Variants in VWC2 observed in about 807,000 individuals in gnomAD.
VWC2 encodes the protein brorin.
Under a neutral mutation model 29.8 loss-of-function variants are expected in VWC2, and 14 were observed. The ratio of observed to expected loss-of-function variants is 0.47; its 90% CI spans 0.31 to 0.74. The LOEUF (loss-of-function observed/expected upper bound fraction) is 0.74, where lower values mean the gene tolerates loss of function less well. Among genes scored for constraint, VWC2 ranks in the 30% least tolerant of loss-of-function variants. The pLI is 0.05. For missense variants in VWC2, 457 were observed against 459.8 expected (o/e 0.99, Z 0.05); for synonymous variants, 213 against 199.0 (o/e 1.07, Z -0.59).
chr7:49,899,666 A>G (rs1792601296), intron 3 of VWC2, among the ~76,000 whole-genome samples: 1 of 151,994 alleles, frequency 6.6e-6, no homozygotes, highest in African/African-American at 2.4e-5. Flanking sequence ...GTATCAAAAC[A>G]CATGAGGCAA....
At position 49,802,851 on chromosome 7, in the gene VWC2, T is replaced by A; in HGVS notation, c.826+11T>A. ...CCATCTGCAAAAATGGTATGTGAGA[T>A]CCCCGTTGGTGACGGGGTGCACCTC... On this transcript the variant is annotated intron_variant, in intron 3 of 3. Transcript: ENST00000340652. 1 of 1,614,022 alleles carries A rather than the reference T, an allele frequency of 6.2e-7. No individual in the cohort carries two copies. Among genetic ancestry groups the A allele is most frequent in the Non-Finnish European group, 8.5e-7 (1 of 1,179,934 alleles).
At chr7:49,868,512 C>G (rs1469686978) in intron 3 of VWC2, among the ~76,000 whole-genome samples, 1 of 152,118 alleles carries the variant, frequency 6.6e-6, no homozygotes, top group Non-Finnish European at 1.5e-5. Context: ...GAAAAAGTAC[C>G]TCAAAATGTT....
chr7:49,828,903 G>A (rs764605892), intron 3 of VWC2, among the ~76,000 whole-genome samples: 3 of 152,118 alleles, frequency 2.0e-5, no homozygotes, highest in Non-Finnish European at 4.4e-5. Flanking sequence ...GGGATAGCCC[G>A]GGTGCCCCAC....
intron 3 of VWC2, among the ~76,000 whole-genome samples, chr7:49,874,414 C>T (rs1332434270): frequency 6.6e-6 from 1 of 152,216 alleles, no homozygotes; most frequent in Non-Finnish European, 1.5e-5. Context: ...CTATATCGTA[C>T]AGCCTAGGTG....
intron 3 of VWC2, among the ~76,000 whole-genome samples, chr7:49,903,493 C>T (rs1792890084): frequency 6.6e-6 from 1 of 152,148 alleles, no homozygotes; most frequent in African/African-American, 2.4e-5. Context: ...CCAAAGCCCA[C>T]TTTTGATACT....
At chr7:49,827,755 C>T (rs1358295850) in intron 3 of VWC2, among the ~76,000 whole-genome samples, 1 of 152,018 alleles carries the variant, frequency 6.6e-6, no homozygotes, top group Admixed American at 6.5e-5. Context: ...TTTTAGGGGA[C>T]TTCTCTAAAT....
At chr7:49,779,150 T>C (rs1358933410) in intron 2 of VWC2, among the ~76,000 whole-genome samples, 25 of 152,166 alleles carry the variant, frequency 1.6e-4, no homozygotes, top group Admixed American at 1.6e-3. Flanking sequence ...CTGGCTGTGC[T>C]TGTGATGTGC....
intron 3 of VWC2, among the ~76,000 whole-genome samples, chr7:49,906,517 T>C (rs560655964): frequency 2.0e-5 from 3 of 152,192 alleles, no homozygotes; most frequent in Admixed American, 1.3e-4. Flanking sequence ...TTTGTATTTT[T>C]ACTATAGATG....
At chr7:49,815,364 T>C (rs1009673501) in intron 3 of VWC2, among the ~76,000 whole-genome samples, 1 of 152,188 alleles carries the variant, frequency 6.6e-6, no homozygotes, top group African/African-American at 2.4e-5. Flanking sequence ...GGAGAAACTC[T>C]CAGGAGTGAG....
At chr7:49,867,636 C>T (rs1040964485) in intron 3 of VWC2, among the ~76,000 whole-genome samples, 1 of 152,158 alleles carries the variant, frequency 6.6e-6, no homozygotes, top group Non-Finnish European at 1.5e-5. Context: ...ATTCACCCTC[C>T]TGAACTCTAG....
chr7:49,918,340 C>T lies in VWC2; in HGVS notation c.*6155C>T, dbSNP rs1172425098. The stretch of plus-strand genomic sequence containing the variant: ...AGGTCAGGGACCTCTAGAAAATAGA[C>T]AGAAATTTCCAAAATGGTCTTTTAC... On this transcript the variant is annotated 3_prime_UTR_variant, in exon 4 of 4. Transcript: ENST00000340652. The T allele has an allele frequency of 6.6e-6, 1 of 152,118 alleles. No individual in the cohort carries two copies. The highest frequency in any genetic ancestry group is 1.5e-5 in the Non-Finnish European group (1 of 68,012). 9.4% of individuals were successfully genotyped at this position (152,118 alleles called of 1,614,324 possible). A position where few individuals can be genotyped will look rare whatever the true frequency, so the allele number is the denominator to read the frequency against.
chr7:49,840,833 G>A (rs1188505227), intron 3 of VWC2, among the ~76,000 whole-genome samples: 1 of 152,064 alleles, frequency 6.6e-6, no homozygotes, highest in African/African-American at 2.4e-5. Flanking sequence ...CTCATAGTTT[G>A]TCCCTCTCCA....
At position 49,836,246 on chromosome 7, in the gene VWC2, G is replaced by T. The variant is rs965201437; in HGVS notation, c.826+33406G>T. 2.0e-5 allele frequency among the ~76,000 whole-genome samples: 3 copies of T among 152,220 alleles called. No individual in the cohort carries two copies. In the East Asian group the frequency reaches 5.8e-4, roughly 29 times the overall value. On this transcript the variant is annotated intron_variant, in intron 3 of 3. Coordinates refer to ENST00000340652, the MANE Select transcript of VWC2 (RefSeq NM_198570.5). ...TTTTTTCTACTAACATGAACTAAGA[G>T]ATAAATGTGTAGGCTGATGGTTTGC...
chr7:49,877,481 AATATATAT>A lies in VWC2; in HGVS notation c.827-34523_827-34516del, dbSNP rs1220691094. ...CTGTCTCAAAAAAAAAAAAAAAAAA[AATATATAT>A]ATATATATATATATATATATATATA... On this transcript the variant is annotated intron_variant, in intron 3 of 3. Coordinates refer to ENST00000340652, the MANE Select transcript of VWC2 (RefSeq NM_198570.5). 8.9e-3 allele frequency among the ~76,000 whole-genome samples: 113 copies of A among 12,714 alleles called. 7 individuals are homozygous for A. The highest frequency in any genetic ancestry group is 0.024 in the Admixed American group (17 of 712). 8.3% of individuals were successfully genotyped at this position (12,714 alleles called of 152,430 possible).
chr7:49,912,309 T>C lies in VWC2; in HGVS notation c.*124T>C. 4 of 1,026,966 alleles carry C rather than the reference T, an allele frequency of 3.9e-6. No homozygotes were observed. Among genetic ancestry groups the C allele is most frequent in the Non-Finnish European group, 5.5e-6 (4 of 730,644 alleles). The allele number at this position is 1,026,966 out of a possible 1,614,324, so 63.6% of individuals were successfully genotyped here. ...ATGAGGAATAATGGAAAATTGTTGG[T>C]ACTTTTCCTTTTCTTGATAACAGTT... On this transcript the variant is annotated 3_prime_UTR_variant, in exon 4 of 4. Coordinates refer to ENST00000340652, the MANE Select transcript of VWC2 (RefSeq NM_198570.5).
At chr7:49,785,638 G>T (rs761345220) in intron 2 of VWC2, among the ~76,000 whole-genome samples, 1 of 152,164 alleles carries the variant, frequency 6.6e-6, no homozygotes, top group Non-Finnish European at 1.5e-5. Context: ...AGCAACCAGA[G>T]AAGACATTAC....
intron 3 of VWC2, chr7:49,901,261 A>T (rs1792707603): frequency 6.6e-6 from 1 of 151,920 alleles, no homozygotes; most frequent in Non-Finnish European, 1.5e-5. Context: ...CTGATAGGGA[A>T]AGAAGAAATA....
chr7:49,859,763 T>C (rs1246489269), intron 3 of VWC2, among the ~76,000 whole-genome samples: 2 of 151,150 alleles, frequency 1.3e-5, no homozygotes, highest in Non-Finnish European at 2.9e-5. Flanking sequence ...ACAGATGTAC[T>C]TGATGTGTCT....
At chr7:49,850,889 T>G (rs1790150268) in intron 3 of VWC2, among the ~76,000 whole-genome samples, 1 of 152,236 alleles carries the variant, frequency 6.6e-6, no homozygotes, top group South Asian at 2.1e-4. Context: ...GATGACTCCC[T>G]GTGGAGAAGG....
Sources: gnomAD v4.1 joint callset for allele counts (sites outside exome capture counted in the v4.1 genomes callset) on GRCh38, gnomAD v4.1.1 for gene constraint, MANE v1.5 for transcripts, NCBI Gene and HGNC (gene_info 2026-07-23, HGNC 2026-07-21) for gene names.